PDE4B: variants seen among roughly 807,000 people sequenced by gnomAD.
PDE4B encodes the protein 3',5'-cyclic-AMP phosphodiesterase 4B.
PDE4B carries 20 observed loss-of-function variants against 82.2 expected under a neutral mutation model. The observed-to-expected ratio is 0.24, with a 90% CI of 0.17 to 0.35. The LOEUF is 0.35. Among genes scored for constraint, PDE4B ranks in the 10% least tolerant of loss-of-function variants. The pLI, the probability that PDE4B is intolerant of heterozygous loss-of-function variation, is 1.00. For missense variants in PDE4B, 655 were observed against 907.2 expected (o/e 0.72, Z 3.57); for synonymous variants, 320 against 318.9 (o/e 1.00, Z -0.04).
At chr1:66,293,207 T>A (rs1657237514) in intron 7 of PDE4B, among the ~76,000 whole-genome samples, 1 of 152,070 alleles carries the variant, frequency 6.6e-6, no homozygotes, top group South Asian at 2.1e-4. Context: ...AGCAGCTTTG[T>A]TTTTACACCG....
chr1:66,281,467 T>C (rs576100799), intron 7 of PDE4B, among the ~76,000 whole-genome samples: 1 of 152,346 alleles, frequency 6.6e-6, no homozygotes, highest in South Asian at 2.1e-4. Flanking sequence ...AGGTGATTTG[T>C]TCTGCATTCC....
intron 7 of PDE4B, among the ~76,000 whole-genome samples, chr1:66,282,854 G>T (rs1656393365): frequency 6.6e-6 from 1 of 152,082 alleles, no homozygotes; most frequent in Admixed American, 6.6e-5. Flanking sequence ...TGTCACGGAG[G>T]AAACAGCCCC....
At chr1:66,025,138 A>G (rs1653365513) in intron 3 of PDE4B, among the ~76,000 whole-genome samples, 1 of 152,092 alleles carries the variant, frequency 6.6e-6, no homozygotes, top group South Asian at 2.1e-4. Flanking sequence ...TCCTAACTGG[A>G]GTCAAGTGAT....
At chr1:66,018,406 T>C (rs113724040) in intron 3 of PDE4B, among the ~76,000 whole-genome samples, 3,214 of 151,948 alleles carry the variant, frequency 0.021, 114 homozygotes, top group African/African-American at 0.073. Flanking sequence ...GGCGACAGGG[T>C]GAGACTCTGT....
chr1:65,837,873 T>A (rs186957277), intron 1 of PDE4B, among the ~76,000 whole-genome samples: 1 of 152,206 alleles, frequency 6.6e-6, no homozygotes, highest in East Asian at 1.9e-4. Context: ...TAGTACCCAT[T>A]AGTTATTTTT....
rs533107564 is a variant in PDE4B, at chr1:66,372,076, G to A, written c.1846-237G>A. Among the ~76,000 whole-genome samples, 156 of 152,288 alleles carry A rather than the reference G, an allele frequency of 1.0e-3. 1 individual carries two copies. The highest frequency in any genetic ancestry group is 1.1e-3 in the Non-Finnish European group (72 of 68,030). ...ACAAGATATTTAATCTCAATAAGTC[G>A]TAGTTTCTGCCTTTGTAAATAGTAA... On this transcript the variant is annotated intron_variant, in intron 16 of 16. Coordinates refer to ENST00000341517, the MANE Select transcript of PDE4B (RefSeq NM_002600.4).
chr1:66,020,945 G>T (rs180910429), intron 3 of PDE4B, among the ~76,000 whole-genome samples: 1 of 152,278 alleles, frequency 6.6e-6, no homozygotes, highest in Admixed American at 6.5e-5. Context: ...GTGTAAAAGC[G>T]TTCCTACTCC....
chr1:66,215,198 G>A (rs1054677704), intron 3 of PDE4B, among the ~76,000 whole-genome samples: 2 of 152,096 alleles, frequency 1.3e-5, no homozygotes, highest in African/African-American at 4.8e-5. Flanking sequence ...GCAGGTCATA[G>A]GCAACAAGCC....
intron 3 of PDE4B, among the ~76,000 whole-genome samples, chr1:66,102,877 A>G (rs555832801): frequency 1.3e-5 from 2 of 152,088 alleles, no homozygotes; most frequent in Non-Finnish European, 2.9e-5. Flanking sequence ...TAGTTTAGTT[A>G]TTGTGCCTTA....
chr1:65,884,866 T>A (rs1646753741), intron 1 of PDE4B, among the ~76,000 whole-genome samples: 1 of 152,188 alleles, frequency 6.6e-6, no homozygotes, highest in African/African-American at 2.4e-5. Context: ...AAATGGGATC[T>A]AATTAAACTA....
At chr1:65,974,645 T>C (rs1169762208) in intron 3 of PDE4B, among the ~76,000 whole-genome samples, 1 of 152,148 alleles carries the variant, frequency 6.6e-6, no homozygotes, top group Non-Finnish European at 1.5e-5. Context: ...GGTGAATGAA[T>C]CATGGGGGTG....
In PDE4B at chr1:66,258,669, C is replaced by T. The variant is rs538619437; in HGVS notation, c.584+806C>T. On this transcript the variant is annotated intron_variant, in intron 6 of 16. Transcript: ENST00000341517. ...GTGACTTGCTAACAACCCCCTCCCC[C>T]CGCATAAGTTAGAGACACAGCAGGG... 1.1e-4 allele frequency among the ~76,000 whole-genome samples: 16 copies of T among 152,292 alleles called. No individual in the cohort carries two copies. The South Asian group carries it at 1.7e-3, about 16-fold the overall frequency.
chr1:65,876,038 G>T (rs1646638898), intron 1 of PDE4B, among the ~76,000 whole-genome samples: 1 of 151,802 alleles, frequency 6.6e-6, no homozygotes, highest in South Asian at 2.1e-4. Context: ...TTATTTTCAT[G>T]GATAGTCAAA....
intron 3 of PDE4B, among the ~76,000 whole-genome samples, chr1:65,928,332 A>G (rs913275862): frequency 2.0e-5 from 3 of 152,196 alleles, no homozygotes; most frequent in Non-Finnish European, 4.4e-5. Context: ...CTGCTAGTAT[A>G]AATTAAGTAC....
intron 3 of PDE4B, among the ~76,000 whole-genome samples, chr1:65,955,345 C>T (rs1038583087): frequency 7.2e-5 from 11 of 152,068 alleles, no homozygotes; most frequent in Non-Finnish European, 1.0e-4. Context: ...TATACTACAT[C>T]CACTAAAGTC....
intron 1 of PDE4B, among the ~76,000 whole-genome samples, chr1:65,866,718 A>C (rs1646515996): frequency 6.6e-6 from 1 of 152,202 alleles, no homozygotes; most frequent in African/African-American, 2.4e-5. Context: ...TCTCTATAGA[A>C]ATGCAGTCAG....
At chr1:66,179,018 A>AT (rs1009378500) in intron 3 of PDE4B, among the ~76,000 whole-genome samples, 13 of 151,896 alleles carry the variant, frequency 8.6e-5, no homozygotes, top group Middle Eastern at 3.2e-3. Flanking sequence ...GGACTGGATA[A>AT]TTTTTTTATT....
chr1:66,023,096 G>C (rs1643290077), intron 3 of PDE4B, among the ~76,000 whole-genome samples: 1 of 152,104 alleles, frequency 6.6e-6, no homozygotes, highest in African/African-American at 2.4e-5. Flanking sequence ...ACCTTGGAGA[G>C]CTCCCAATAG....
At chr1:65,935,261 A>G (rs1339458084) in intron 3 of PDE4B, among the ~76,000 whole-genome samples, 1 of 152,172 alleles carries the variant, frequency 6.6e-6, no homozygotes. Context: ...ATATCCTAGT[A>G]TTCTTCGCTT....
Sources: gnomAD v4.1 joint callset for allele counts (sites outside exome capture counted in the v4.1 genomes callset) on GRCh38, gnomAD v4.1.1 for gene constraint, MANE v1.5 for transcripts, NCBI Gene and HGNC (gene_info 2026-07-23, HGNC 2026-07-21) for gene names.